Variants in TMC1 observed in about 807,000 individuals in gnomAD.
TMC1 encodes the protein transmembrane channel like 1.
A neutral mutation model predicts 105.8 loss-of-function variants in TMC1; 84 were observed. The observed-to-expected ratio is 0.79, with a 90% confidence interval of 0.67 to 0.95. The LOEUF (loss-of-function observed/expected upper bound fraction) is 0.95. Among genes scored for constraint, TMC1 ranks in the 40% least tolerant of loss-of-function variants. The pLI is 0.00. For synonymous variants in TMC1, 315 were observed against 311.5 expected (o/e 1.01, Z -0.12); for missense variants, 817 against 914.1 (o/e 0.89, Z 1.37).
intron 8 of TMC1, among the ~76,000 whole-genome samples, chr9:72,733,595 G>C (rs1827249996): frequency 6.6e-6 from 1 of 152,010 alleles, no homozygotes; most frequent in South Asian, 2.1e-4. Context: ...ACCTTCCAAG[G>C]CTCCCCGTGG....
chr9:72,551,952 G>C (rs1260335890), intron 1 of TMC1, among the ~76,000 whole-genome samples: 1 of 152,134 alleles, frequency 6.6e-6, no homozygotes, highest in African/African-American at 2.4e-5. Flanking sequence ...GGCACAGATT[G>C]TCTCTGAGAG....
intron 10 of TMC1, among the ~76,000 whole-genome samples, chr9:72,745,441 G>A (rs1361531): frequency 0.23 from 34,521 of 151,992 alleles, 4,220 homozygotes; most frequent in East Asian, 0.39. Flanking sequence ...CTACGAGGCC[G>A]ATGGCAGGAT....
chr9:72,767,509 G>A (rs1346626136), intron 12 of TMC1, among the ~76,000 whole-genome samples: 1 of 152,200 alleles, frequency 6.6e-6, no homozygotes, highest in Non-Finnish European at 1.5e-5. Flanking sequence ...ATCCATCTAT[G>A]TATATTGGGC....
chr9:72,645,306 G>T (rs1825692180), intron 4 of TMC1, among the ~76,000 whole-genome samples: 1 of 152,152 alleles, frequency 6.6e-6, no homozygotes, highest in Admixed American at 6.6e-5. Context: ...TCAGCTGCAG[G>T]CAAGAGTAGA....
intron 1 of TMC1, among the ~76,000 whole-genome samples, chr9:72,541,257 T>C (rs955703408): frequency 6.6e-6 from 1 of 152,256 alleles, no homozygotes; most frequent in Non-Finnish European, 1.5e-5. Flanking sequence ...CTTACATCTA[T>C]GTCTTAACTT....
chr9:72,576,913 G>A (rs547567303), intron 1 of TMC1, among the ~76,000 whole-genome samples: 8 of 152,228 alleles, frequency 5.3e-5, no homozygotes, highest in Non-Finnish European at 8.8e-5. Context: ...ACAGTCATGA[G>A]CCACCGCGCC....
At chr9:72,566,847 C>CTCCT (rs1824165058) in intron 1 of TMC1, among the ~76,000 whole-genome samples, 1 of 152,202 alleles carries the variant, frequency 6.6e-6, no homozygotes, top group Non-Finnish European at 1.5e-5. Flanking sequence ...TGGTCACAGA[C>CTCCT]TCCTATCTGA....
At chr9:72,626,492 T>A (rs1825349464) in intron 3 of TMC1, among the ~76,000 whole-genome samples, 1 of 152,122 alleles carries the variant, frequency 6.6e-6, no homozygotes, top group South Asian at 2.1e-4. Context: ...CAATAGCACC[T>A]TTAGTAACAA....
chr9:72,828,543 A>G (rs1828995000), intron 21 of TMC1, among the ~76,000 whole-genome samples: 1 of 152,216 alleles, frequency 6.6e-6, no homozygotes, highest in Non-Finnish European at 1.5e-5. Flanking sequence ...TAATCCAAAG[A>G]TTTAGTAATC....
chr9:72,684,022 G>C (rs1367721559), intron 5 of TMC1, among the ~76,000 whole-genome samples: 1 of 151,442 alleles, frequency 6.6e-6, no homozygotes, highest in African/African-American at 2.4e-5. Flanking sequence ...TTAGTAAGTT[G>C]TTCAGTCTTT....
At chr9:72,555,008 AG>A (rs1823906922) in intron 1 of TMC1, among the ~76,000 whole-genome samples, 1 of 152,014 alleles carries the variant, frequency 6.6e-6, no homozygotes, top group African/African-American at 2.4e-5. Flanking sequence ...TCTTCTGAGT[AG>A]CTGGGATTAC....
chr9:72,665,221 T>C (rs1375879416), intron 5 of TMC1, among the ~76,000 whole-genome samples: 1 of 152,176 alleles, frequency 6.6e-6, no homozygotes, highest in Admixed American at 6.5e-5. Flanking sequence ...ATTTATTGAG[T>C]GGATGGTCAA....
intron 18 of TMC1, chr9:72,809,134 A>G (rs1828649542): frequency 6.6e-6 from 1 of 152,250 alleles, no homozygotes; most frequent in African/African-American, 2.4e-5. Context: ...AAAAATTGCC[A>G]TTTCTTCCTT....
At chr9:72,670,336 A>G (rs1260459048) in intron 5 of TMC1, among the ~76,000 whole-genome samples, 2 of 152,168 alleles carry the variant, frequency 1.3e-5, no homozygotes, top group East Asian at 3.8e-4. Flanking sequence ...GTGAGAAAAA[A>G]TTAGTCCTAG....
At chr9:72,618,316 C>G (rs529249068) in intron 3 of TMC1, among the ~76,000 whole-genome samples, 12 of 152,194 alleles carry the variant, frequency 7.9e-5, no homozygotes, top group African/African-American at 2.9e-4. Flanking sequence ...AACTACCATG[C>G]CTGCCTGTCT....
At chr9:72,760,974 A>G (rs1314111108) in intron 12 of TMC1, among the ~76,000 whole-genome samples, 1 of 152,176 alleles carries the variant, frequency 6.6e-6, no homozygotes, top group African/African-American at 2.4e-5. Flanking sequence ...ACCATACACA[A>G]CATGCATGAT....
chr9:72,816,073 T>C, intron 18 of TMC1, 70 bp from the exon 19 acceptor site: 1 of 1,393,412 alleles, frequency 7.2e-7, no homozygotes, highest in South Asian at 1.2e-5. Context: ...GCCATGCCTA[T>C]GCAGAACAAT....
chr9:72,657,959 C>T (rs1825908369), intron 5 of TMC1, among the ~76,000 whole-genome samples: 1 of 152,038 alleles, frequency 6.6e-6, no homozygotes. Flanking sequence ...TATGAGAATT[C>T]TTCCTTCTGT....
At chr9:72,645,253 C>A (rs1825691259) in intron 4 of TMC1, among the ~76,000 whole-genome samples, 1 of 152,138 alleles carries the variant, frequency 6.6e-6, no homozygotes, top group African/African-American at 2.4e-5. Context: ...TTAAAATTGG[C>A]CAAAGTTTCC....
Sources: gnomAD v4.1 joint callset for allele counts (sites outside exome capture counted in the v4.1 genomes callset) on GRCh38, gnomAD v4.1.1 for gene constraint, MANE v1.5 for transcripts, NCBI Gene and HGNC (gene_info 2026-07-23, HGNC 2026-07-21) for gene names.